The following LHFPL6 variants were observed in gnomAD, a reference collection of about 807,000 sequenced individuals.
LHFPL6 encodes LHFPL tetraspan subfamily member 6 protein.
LHFPL6 carries 9 observed loss-of-function variants against 20.6 expected under a neutral mutation model. The ratio of observed to expected loss-of-function variants is 0.44; its 90% confidence interval spans 0.26 to 0.76. The LOEUF is 0.76. LHFPL6 is among the 30% of genes least tolerant of loss of function. LHFPL6 has a pLI of 0.20. For synonymous variants in LHFPL6, 105 were observed against 98.7 expected (o/e 1.06, Z -0.38); for missense variants, 218 against 253.5 (o/e 0.86, Z 0.95).
At chr13:39,378,782 C>G (rs1870362352) in intron 2 of LHFPL6, among the ~76,000 whole-genome samples, 1 of 152,164 alleles carries the variant, frequency 6.6e-6, no homozygotes, top group Non-Finnish European at 1.5e-5. Context: ...CTTGCAAATC[C>G]TGTTTAGGAA....
intron 2 of LHFPL6, among the ~76,000 whole-genome samples, chr13:39,576,336 A>G (rs527821567): frequency 6.6e-6 from 1 of 152,320 alleles, no homozygotes; most frequent in East Asian, 1.9e-4. Context: ...TTTTGTGCTA[A>G]GAAAACTGGT....
intron 2 of LHFPL6, among the ~76,000 whole-genome samples, chr13:39,588,643 G>T (rs1335660686): frequency 6.6e-6 from 1 of 152,206 alleles, no homozygotes; most frequent in Admixed American, 6.5e-5. Context: ...AGGAACCTCA[G>T]TTCTAAGGGG....
At chr13:39,575,154 A>G (rs2138534218) in intron 2 of LHFPL6, among the ~76,000 whole-genome samples, 1 of 152,292 alleles carries the variant, frequency 6.6e-6, no homozygotes, top group Middle Eastern at 3.4e-3. Context: ...AGGATACCTC[A>G]TCAAATGAAA....
intron 2 of LHFPL6, among the ~76,000 whole-genome samples, chr13:39,524,820 T>G (rs560897657): frequency 1.3e-5 from 2 of 152,348 alleles, no homozygotes; most frequent in East Asian, 3.9e-4. Context: ...TTAACTACTT[T>G]TGTGCTAAAT....
At chr13:39,387,286 C>A (rs535587780) in intron 2 of LHFPL6, among the ~76,000 whole-genome samples, 1 of 152,070 alleles carries the variant, frequency 6.6e-6, no homozygotes, top group African/African-American at 2.4e-5. Context: ...CGGTGGCTCA[C>A]GCCTGTAATC....
intron 2 of LHFPL6, among the ~76,000 whole-genome samples, chr13:39,423,546 C>A (rs1263133044): frequency 3.9e-5 from 6 of 152,158 alleles, no homozygotes; most frequent in Non-Finnish European, 1.5e-5. Context: ...GCCTCACCTT[C>A]CTGAGTAGCT....
At chr13:39,377,753 G>T (rs763329359) in intron 3 of LHFPL6, among the ~76,000 whole-genome samples, 20 of 152,198 alleles carry the variant, frequency 1.3e-4, no homozygotes, top group African/African-American at 1.9e-4. Context: ...TTAGTCTGCA[G>T]AAAAACAAAT....
chr13:39,357,860 G>A (rs761429340), intron 3 of LHFPL6, among the ~76,000 whole-genome samples: 5 of 151,958 alleles, frequency 3.3e-5, no homozygotes, highest in East Asian at 3.9e-4. Flanking sequence ...ACAAACAAAC[G>A]GAAAAACATT....
chr13:39,587,746 C>G (rs1012719863), intron 2 of LHFPL6, among the ~76,000 whole-genome samples: 1 of 151,950 alleles, frequency 6.6e-6, no homozygotes, highest in African/African-American at 2.4e-5. Context: ...AAAGTAGCAT[C>G]AACAGAAAAC....
At chr13:39,415,110 T>C (rs57177187) in intron 2 of LHFPL6, among the ~76,000 whole-genome samples, 14,151 of 152,288 alleles carry the variant, frequency 0.093, 737 homozygotes, top group Middle Eastern at 0.14. Context: ...ACAGGCCAAC[T>C]TGTCCTAGTT....
intron 2 of LHFPL6, among the ~76,000 whole-genome samples, chr13:39,527,765 T>G (rs991995538): frequency 6.6e-6 from 1 of 152,170 alleles, no homozygotes; most frequent in African/African-American, 2.4e-5. Context: ...ACTACAAAAT[T>G]GGCTGGACAA....
At chr13:39,555,320 C>A (rs1048231758) in intron 2 of LHFPL6, among the ~76,000 whole-genome samples, 2 of 149,414 alleles carry the variant, frequency 1.3e-5, no homozygotes, top group African/African-American at 5.0e-5. Context: ...GAGCTCTCCC[C>A]GCCCTTTTTT....
intron 2 of LHFPL6, among the ~76,000 whole-genome samples, chr13:39,553,745 G>A (rs753796166): frequency 6.6e-6 from 1 of 152,122 alleles, no homozygotes; most frequent in Non-Finnish European, 1.5e-5. Context: ...AAGGCCAGGT[G>A]CACGTTGGAA....
chr13:39,477,784 A>C (rs560542727), intron 2 of LHFPL6, among the ~76,000 whole-genome samples: 16 of 152,284 alleles, frequency 1.1e-4, no homozygotes, highest in African/African-American at 3.4e-4. Flanking sequence ...ATACCACATA[A>C]ATTTTTGGTT....
chr13:39,411,461 C>T (rs1871239435), intron 2 of LHFPL6, among the ~76,000 whole-genome samples: 1 of 152,208 alleles, frequency 6.6e-6, no homozygotes, highest in Non-Finnish European at 1.5e-5. Flanking sequence ...GGTTGCTGAA[C>T]TTGATTCCAA....
chr13:39,533,849 T>C (rs953416569), intron 2 of LHFPL6, among the ~76,000 whole-genome samples: 5 of 152,130 alleles, frequency 3.3e-5, no homozygotes, highest in African/African-American at 1.2e-4. Context: ...TTCCCAGCTG[T>C]CAAGTTGCCA....
At chr13:39,423,536 G>A (rs1039370588) in intron 2 of LHFPL6, among the ~76,000 whole-genome samples, 3 of 151,948 alleles carry the variant, frequency 2.0e-5, no homozygotes, top group Admixed American at 6.6e-5. Flanking sequence ...CGATTCTCCT[G>A]CCTCACCTTC....
chr13:39,599,613 A>G, intron 2 of LHFPL6, among the ~76,000 whole-genome samples: 1 of 152,254 alleles, frequency 6.6e-6, no homozygotes, highest in Non-Finnish European at 1.5e-5. Flanking sequence ...ATCAGTAAGG[A>G]AAGAATGGAC....
chr13:39,496,442 C>T (rs903097628), intron 2 of LHFPL6, among the ~76,000 whole-genome samples: 13 of 152,250 alleles, frequency 8.5e-5, no homozygotes, highest in South Asian at 2.1e-4. Flanking sequence ...AACATCCAGA[C>T]GACAGCACCT....
Sources: allele counts gnomAD v4.1 joint callset (sites outside exome capture counted in the v4.1 genomes callset), GRCh38; gene constraint gnomAD v4.1.1; transcripts MANE v1.5; gene names NCBI Gene and HGNC (gene_info 2026-07-23, HGNC 2026-07-21).